MAP2K3: variants seen among roughly 807,000 people sequenced by gnomAD.
MAP2K3 encodes dual specificity mitogen-activated protein kinase kinase 3.
A neutral mutation model predicts 46.4 loss-of-function variants in MAP2K3; 30 were observed. That is an observed-to-expected ratio of 0.65 (90% CI 0.48 to 0.88). MAP2K3 has a LOEUF of 0.88. MAP2K3 is among the 40% of genes least tolerant of loss of function. The probability of loss-of-function intolerance (pLI) is 0.00; values close to 1 mark genes in which losing one functional copy is unlikely to be tolerated. For synonymous variants in MAP2K3, 189 were observed against 176.3 expected (o/e 1.07, Z -0.57); for missense variants, 380 against 464.5 (o/e 0.82, Z 1.67).
intron 9 of MAP2K3, among the ~76,000 whole-genome samples, chr17:21,307,932 T>C (rs1311898727): frequency 6.9e-6 from 1 of 145,926 alleles, no homozygotes; most frequent in Non-Finnish European, 1.5e-5. Flanking sequence ...CTCAGCTCAC[T>C]GCAACCTCTG....
intron 5 of MAP2K3, among the ~76,000 whole-genome samples, chr17:21,301,480 G>A (rs939392595): frequency 6.6e-6 from 1 of 152,310 alleles, no homozygotes; most frequent in Non-Finnish European, 1.5e-5. Flanking sequence ...TGAGCAGGGA[G>A]GCCGGGAGCC....
chr17:21,296,466 T>G (rs1462556594), intron 1 of MAP2K3, among the ~76,000 whole-genome samples: 1 of 152,310 alleles, frequency 6.6e-6, no homozygotes, highest in African/African-American at 2.4e-5. Flanking sequence ...CGTTTCTTGT[T>G]GAGCACGAGA....
rs1976647725 is a variant in MAP2K3, at chr17:21,302,258, C to A, written c.515C>A (p.Ser172Tyr). Residue 172 changes from serine to tyrosine, a missense_variant and splice_region_variant, in exon 6 of 12, where the codon TCT (serine) becomes TAT (tyrosine). Coordinates refer to ENST00000342679, the MANE Select transcript of MAP2K3 (RefSeq NM_145109.3). ...GACATCCTTGGGGAGATTGCTGTGT[C>A]TGTGAGTGGCCTGGGTGGGCTGGCG... ...PEDILGEIAVSIVRALEHLHS... is the reference protein window; with the variant it reads ...PEDILGEIAVYIVRALEHLHS... 1 of 1,313,618 alleles carries A rather than the reference C, an allele frequency of 7.6e-7. No homozygotes were observed. The highest frequency in any genetic ancestry group is 1.0e-6 in the Non-Finnish European group (1 of 952,506). 81.4% of individuals were successfully genotyped at this position (1,313,618 alleles called of 1,614,324 possible).
intron 1 of MAP2K3, chr17:21,291,352 A>ACAACACAACACAACG: frequency 1.1e-5 from 1 of 94,498 alleles, no homozygotes; most frequent in South Asian, 5.1e-5. Context: ...ACAATACAAC[A>ACAACACAACACAACG]CAACACAACA....
chr17:21,293,122 G>C (rs1281882435), intron 1 of MAP2K3, among the ~76,000 whole-genome samples: 1 of 152,310 alleles, frequency 6.6e-6, no homozygotes, highest in African/African-American at 2.4e-5. Flanking sequence ...GGGGTAAGCT[G>C]CTCAACGTGG....
At chr17:21,296,846 G>A (rs572461480) in intron 1 of MAP2K3, among the ~76,000 whole-genome samples, 8 of 152,424 alleles carry the variant, frequency 5.2e-5, no homozygotes, top group East Asian at 3.9e-4. Context: ...GTGACTAGGC[G>A]ATTGATTCAT....
chr17:21,299,628 G>A (rs1312359632), intron 3 of MAP2K3, among the ~76,000 whole-genome samples: 1 of 151,978 alleles, frequency 6.6e-6, no homozygotes, highest in African/African-American at 2.4e-5. Flanking sequence ...GTTGCAGTGA[G>A]CCATGATCGT....
At chr17:21,291,962 G>A (rs947081530) in intron 1 of MAP2K3, among the ~76,000 whole-genome samples, 1 of 152,310 alleles carries the variant, frequency 6.6e-6, no homozygotes, top group Non-Finnish European at 1.5e-5. Context: ...GAGAGGGAGT[G>A]TGGCTCGCCC....
At position 21,314,516 on chromosome 17, in the gene MAP2K3, A is replaced by AT. The variant is rs1977317667; in HGVS notation, c.*287dup. The AT allele has an allele frequency of 6.6e-6, 3 of 452,194 alleles. No homozygotes were observed. The highest frequency in any genetic ancestry group is 5.2e-5 in the South Asian group (2 of 38,276). The allele number at this position is 452,194 out of a possible 1,614,324, so 28.0% of individuals were successfully genotyped here. On this transcript the variant is annotated 3_prime_UTR_variant, in exon 12 of 12. Transcript: ENST00000342679. The stretch of plus-strand genomic sequence containing the variant: ...GAGATCCTGGACTGAGGGGGCCTGG[A>AT]TGCCCCCTGTGGATGCTGCTGCCCC...
At chr17:21,305,361 A>G (rs1402739132) in intron 9 of MAP2K3, among the ~76,000 whole-genome samples, 1 of 152,296 alleles carries the variant, frequency 6.6e-6, no homozygotes, top group Non-Finnish European at 1.5e-5. Context: ...TATGGTGGCC[A>G]CAGGGCTTTC....
chr17:21,307,721 A>G (rs1186271010), intron 9 of MAP2K3, among the ~76,000 whole-genome samples: 2 of 150,708 alleles, frequency 1.3e-5, no homozygotes, highest in African/African-American at 4.9e-5. Flanking sequence ...TCTGTTGCCC[A>G]GGCTGGAGTG....
At chr17:21,295,918 G>T in intron 1 of MAP2K3, 1 of 1,265,654 alleles carries the variant, frequency 7.9e-7, no homozygotes, top group Non-Finnish European at 1.0e-6. Flanking sequence ...CAGGGAAAGG[G>T]TGGGACTCAA....
At chr17:21,313,756 T>G (rs1447142213) in intron 11 of MAP2K3, 1 of 596,620 alleles carries the variant, frequency 1.7e-6, no homozygotes, top group Non-Finnish European at 3.0e-6. Context: ...ACACAGGCAG[T>G]GTGTGACAGA....
At chr17:21,302,632 G>A (rs1304084630) in intron 6 of MAP2K3, among the ~76,000 whole-genome samples, 1 of 152,312 alleles carries the variant, frequency 6.6e-6, no homozygotes, top group South Asian at 2.1e-4. Context: ...TTGGGGGAAA[G>A]GTTAGCATCC....
chr17:21,309,930 T>G (rs1448862482), intron 9 of MAP2K3, among the ~76,000 whole-genome samples: 3 of 152,090 alleles, frequency 2.0e-5, no homozygotes, highest in Non-Finnish European at 4.4e-5. Context: ...TAAAAAACTT[T>G]TTAAAAAAAA....
At chr17:21,294,020 G>A (rs1976096319) in intron 1 of MAP2K3, among the ~76,000 whole-genome samples, 3 of 152,312 alleles carry the variant, frequency 2.0e-5, no homozygotes, top group African/African-American at 2.4e-5. Flanking sequence ...CCTGGGGAGA[G>A]GGGCCAGTGT....
Position 21,295,587 on chromosome 17 carries a change from T to A in MAP2K3, c.50-2826T>A, listed in dbSNP as rs796214735. 6.0e-4 allele frequency: 765 copies of A among 1,276,230 alleles called. No individual in the cohort carries two copies. The African/African-American group carries it at 0.01, about 17-fold the overall frequency. The allele number at this position is 1,276,230 out of a possible 1,614,324, so 79.1% of individuals were successfully genotyped here. Reference sequence around the variant, plus strand: ...GAGGCCTGTTTCTAGGCTGTCTCCATGACGGCCTCACCCACTCCCTCTGAC... The same window carrying A: ...GAGGCCTGTTTCTAGGCTGTCTCCAAGACGGCCTCACCCACTCCCTCTGAC... On this transcript the variant is annotated intron_variant, in intron 1 of 11. Coordinates refer to ENST00000342679, the MANE Select transcript of MAP2K3 (RefSeq NM_145109.3).
At chr17:21,303,429 G>C (rs1186962997) in intron 7 of MAP2K3, among the ~76,000 whole-genome samples, 195 bp downstream of exon 7, 7 of 152,422 alleles carry the variant, frequency 4.6e-5, no homozygotes, top group Admixed American at 4.6e-4. Flanking sequence ...CTCGAAGCAA[G>C]GACTGGCTTG....
intron 1 of MAP2K3, among the ~76,000 whole-genome samples, chr17:21,289,807 C>T (rs773603381): frequency 6.6e-6 from 1 of 152,236 alleles, no homozygotes; most frequent in East Asian, 1.9e-4. Flanking sequence ...GGGCCCCAGA[C>T]TTTCTTCCCC....
Sources: gnomAD v4.1 joint callset for allele counts (sites outside exome capture counted in the v4.1 genomes callset) on GRCh38, gnomAD v4.1.1 for gene constraint, MANE v1.5 for transcripts, NCBI Gene and HGNC (gene_info 2026-07-23, HGNC 2026-07-21) for gene names.